MGAT5: variants seen among roughly 807,000 people sequenced by gnomAD.
The protein encoded by MGAT5 is alpha-1,6-mannosylglycoprotein 6-beta-N-acetylglucosaminyltransferase.
A neutral mutation model predicts 94.3 loss-of-function variants in MGAT5; 30 were observed. That is an observed-to-expected ratio of 0.32 (90% CI 0.24 to 0.43). MGAT5 has a LOEUF of 0.43. Among genes scored for constraint, MGAT5 ranks in the 20% least tolerant of loss-of-function variants. MGAT5 has a pLI of 1.00. For synonymous variants in MGAT5, 310 were observed against 322.9 expected (o/e 0.96, Z 0.43); for missense variants, 691 against 905.5 (o/e 0.76, Z 3.04).
rs1490393696 is a variant in MGAT5, at chr2:134,450,055, T to TAATC, written c.*1210_*1213dup. Reference sequence around the variant, plus strand: ...GGCAGGATCACTCTGACTTGTTGAGTAATCAGTCATCAGGTTGGCCTGGTC... The same window carrying TAATC: ...GGCAGGATCACTCTGACTTGTTGAGTAATCAATCAGTCATCAGGTTGGCCTGGTC... On this transcript the variant is annotated 3_prime_UTR_variant, in exon 16 of 16. Coordinates refer to ENST00000281923, the MANE Select transcript of MGAT5 (RefSeq NM_002410.5). 6.6e-6 allele frequency: 1 copy of TAATC among 152,272 alleles called. No homozygotes were observed. Among genetic ancestry groups the TAATC allele is most frequent in the Non-Finnish European group, 1.5e-5 (1 of 68,166 alleles). The allele number at this position is 152,272 out of a possible 1,614,324, so 9.4% of individuals were successfully genotyped here. A position where few individuals can be genotyped will look rare whatever the true frequency, so the allele number is the denominator to read the frequency against.
chr2:134,427,249 T>C (rs2106374855), intron 13 of MGAT5, among the ~76,000 whole-genome samples: 1 of 152,308 alleles, frequency 6.6e-6, no homozygotes, highest in East Asian at 1.9e-4. Flanking sequence ...CCCCTCCGTC[T>C]ACCCTATTGC....
chr2:134,377,860 T>C (rs918476225), intron 10 of MGAT5, among the ~76,000 whole-genome samples: 3 of 152,200 alleles, frequency 2.0e-5, no homozygotes, highest in Non-Finnish European at 4.4e-5. Context: ...AAATGACTAA[T>C]GCTCATACTA....
At chr2:134,384,120 C>T (rs1681810140) in intron 10 of MGAT5, among the ~76,000 whole-genome samples, 1 of 151,772 alleles carries the variant, frequency 6.6e-6, no homozygotes, top group African/African-American at 2.4e-5. Flanking sequence ...TTGTTTACTA[C>T]TGTCTGTGGC....
upstream of MGAT5, chr2:134,120,007 G>C (rs974071899): frequency 6.6e-6 from 1 of 152,658 alleles, no homozygotes; most frequent in Non-Finnish European, 1.5e-5. Context: ...ATTGAGGACG[G>C]ACTCCCGCCC....
intron 1 of MGAT5, among the ~76,000 whole-genome samples, chr2:134,241,932 G>T (rs113618885): frequency 1.1e-3 from 174 of 152,312 alleles, no homozygotes; most frequent in African/African-American, 3.9e-3. Flanking sequence ...GGGCTATGAA[G>T]TCACTGAAGT....
chr2:134,288,539 C>G (rs1416956305), intron 2 of MGAT5, among the ~76,000 whole-genome samples: 1 of 152,048 alleles, frequency 6.6e-6, no homozygotes, highest in Non-Finnish European at 1.5e-5. Context: ...AAATTCAACC[C>G]CTGAAGTAGA....
chr2:134,127,499 C>T (rs1366466660), intron 1 of MGAT5, among the ~76,000 whole-genome samples: 1 of 131,428 alleles, frequency 7.6e-6, no homozygotes, highest in Non-Finnish European at 1.6e-5. Context: ...AAGGTTTCCC[C>T]CCCCCCCAGG....
intron 2 of MGAT5, among the ~76,000 whole-genome samples, chr2:134,316,386 T>TAC (rs1364297498): frequency 6.6e-6 from 1 of 152,164 alleles, no homozygotes; most frequent in Non-Finnish European, 1.5e-5. Flanking sequence ...GGCTCACTCC[T>TAC]ACTTTGTCTT....
chr2:134,379,100 C>T (rs1681378735), intron 10 of MGAT5, among the ~76,000 whole-genome samples: 1 of 152,166 alleles, frequency 6.6e-6, no homozygotes, highest in South Asian at 2.1e-4. Context: ...GGCTTTTTCT[C>T]CCACTTTGTC....
At chr2:134,241,899 A>G (rs1188270839) in intron 1 of MGAT5, among the ~76,000 whole-genome samples, 2 of 152,166 alleles carry the variant, frequency 1.3e-5, no homozygotes, top group Admixed American at 6.5e-5. Flanking sequence ...ATTTCTTTCA[A>G]CCAAACTTTG....
intron 1 of MGAT5, among the ~76,000 whole-genome samples, chr2:134,246,673 C>A (rs1450294266): frequency 1.3e-5 from 2 of 152,220 alleles, no homozygotes; most frequent in South Asian, 4.1e-4. Context: ...GTTTTGTGTT[C>A]CATACGGAGA....
Position 134,153,509 on chromosome 2 carries a change from G to A in MGAT5, c.-143+33218G>A, listed in dbSNP as rs561391734. 3.3e-5 allele frequency among the ~76,000 whole-genome samples: 5 copies of A among 152,318 alleles called. No individual in the cohort carries two copies. In the South Asian group the frequency reaches 8.3e-4, roughly 25 times the overall value. ...GAGGGTTCTTGGTGTCACATGGTGG[G>A]AGATGCTGTCTTGTTTAAAAACAAA... On this transcript the variant is annotated intron_variant, in intron 1 of 16. Transcript: ENST00000409645.
intron 1 of MGAT5, among the ~76,000 whole-genome samples, chr2:134,260,187 A>G (rs1683230486): frequency 1.3e-5 from 2 of 152,344 alleles, no homozygotes; most frequent in South Asian, 4.1e-4. Flanking sequence ...AGAGCCCTGT[A>G]GGCTATGACT....
rs565920294 is a variant in MGAT5 at position 134,408,648 on chromosome 2, C to T, written c.1531-4221C>T. Reference sequence around the variant, plus strand: ...ACATGAGTCAGGGGCTTGTGGAGCCCTTGGGAGGATAGAGCCAGCCTGGAT... The same window carrying T: ...ACATGAGTCAGGGGCTTGTGGAGCCTTTGGGAGGATAGAGCCAGCCTGGAT... On this transcript the variant is annotated intron_variant, in intron 11 of 15. Transcript: ENST00000281923. Among the ~76,000 whole-genome samples, 47 of 152,262 alleles carry T rather than the reference C, an allele frequency of 3.1e-4. 1 individual carries two copies. Among genetic ancestry groups the T allele is most frequent in the African/African-American group, 1.1e-3 (46 of 41,552 alleles).
At position 134,318,684 on chromosome 2, in the gene MGAT5, A is replaced by G; in HGVS notation, c.518A>G (p.Tyr173Cys). The G allele has an allele frequency of 5.0e-6, 8 of 1,613,634 alleles. No homozygotes were observed. Among genetic ancestry groups the G allele is most frequent in the Non-Finnish European group, 6.8e-6 (8 of 1,179,600 alleles). Residue 173 changes from tyrosine (Y) to cysteine (C), a missense_variant, in exon 4 of 16, where the codon TAC becomes TGC. Tyr to Cys is a radical substitution (Grantham distance 194). This residue lies in a region of MGAT5 where 307 missense variants were observed against 335.4 expected (regional missense o/e 0.92). Coordinates refer to ENST00000281923, the MANE Select transcript of MGAT5 (RefSeq NM_002410.5). ...GACATGTGGCGTTCAGATCCCTGCTACGCAGACTATGGAGTGGATGGATCC... is the reference window on the plus strand; with the variant it reads ...GACATGTGGCGTTCAGATCCCTGCTGCGCAGACTATGGAGTGGATGGATCC... ...MKDMWRSDPC[Y>C]ADYGVDGSTC...
intron 10 of MGAT5, among the ~76,000 whole-genome samples, chr2:134,402,708 C>T (rs113713288): frequency 0.011 from 1,619 of 152,290 alleles, 37 homozygotes; most frequent in African/African-American, 0.036. Flanking sequence ...AATGTATTTC[C>T]TCTTGCAAAA....
intron 12 of MGAT5, among the ~76,000 whole-genome samples, chr2:134,414,018 TTTCTCTG>T (rs1168013518): frequency 1.3e-5 from 2 of 152,216 alleles, no homozygotes; most frequent in African/African-American, 4.8e-5. Context: ...GAGAGTTATT[TTTCTCTG>T]ACCCTTCCTG....
intron 10 of MGAT5, among the ~76,000 whole-genome samples, chr2:134,377,556 G>A (rs1426980801): frequency 6.6e-6 from 1 of 152,210 alleles, no homozygotes; most frequent in Non-Finnish European, 1.5e-5. Context: ...TAACAAGGTA[G>A]AAAGGAAGAA....
At chr2:134,346,211 TA>T (rs1688917922) in intron 8 of MGAT5, among the ~76,000 whole-genome samples, 1 of 152,190 alleles carries the variant, frequency 6.6e-6, no homozygotes, top group Non-Finnish European at 1.5e-5. Context: ...TTGACTCACA[TA>T]TCCTCGCTGT....
Sources: gnomAD v4.1 joint callset for allele counts (sites outside exome capture counted in the v4.1 genomes callset) on GRCh38, gnomAD v4.1.1 for gene constraint, gnomAD v4.1.1 regional missense constraint, MANE v1.5 for transcripts, NCBI Gene and HGNC (gene_info 2026-07-23, HGNC 2026-07-21) for gene names.